Variants in GMPR observed in about 807,000 individuals in gnomAD.
GMPR encodes GMP reductase 1.
A neutral mutation model predicts 38.4 loss-of-function variants in GMPR; 31 were observed. That is an observed-to-expected ratio of 0.81 (90% confidence interval 0.61 to 1.09). GMPR has a LOEUF of 1.09. Among genes scored for constraint, GMPR ranks in the 50% least tolerant of loss-of-function variants. GMPR has a pLI of 0.00. For missense variants in GMPR, 468 were observed against 453.7 expected (o/e 1.03, Z -0.29); for synonymous variants, 162 against 173.3 (o/e 0.93, Z 0.51).
At chr6:16,289,196 C>T (rs941013731) in intron 7 of GMPR, among the ~76,000 whole-genome samples, 7 of 152,166 alleles carry the variant, frequency 4.6e-5, no homozygotes, top group African/African-American at 1.7e-4. Flanking sequence ...GCGCAGACCC[C>T]AACCCCACCA....
At chr6:16,247,768 C>T (rs1005387185) in intron 2 of GMPR, among the ~76,000 whole-genome samples, 2 of 145,302 alleles carry the variant, frequency 1.4e-5, no homozygotes, top group African/African-American at 5.1e-5. Context: ...GTCACTTGCC[C>T]TAGGCCCTCA....
At chr6:16,279,916 G>A (rs575975460) in intron 6 of GMPR, among the ~76,000 whole-genome samples, 9 of 152,324 alleles carry the variant, frequency 5.9e-5, no homozygotes, top group South Asian at 4.1e-4. Context: ...CAGCTGGGAC[G>A]CGTTAGTAAT....
At chr6:16,247,956 A>G (rs976004671) in intron 2 of GMPR, among the ~76,000 whole-genome samples, 1 of 152,140 alleles carries the variant, frequency 6.6e-6, no homozygotes, top group African/African-American at 2.4e-5. Context: ...TTGGCTGGGC[A>G]TAGTGGCTCA....
chr6:16,241,130 T>C (rs1758640635), intron 1 of GMPR, among the ~76,000 whole-genome samples: 1 of 152,146 alleles, frequency 6.6e-6, no homozygotes. Context: ...GCAGAAGTAA[T>C]ATCTGGAGGC....
intron 2 of GMPR, among the ~76,000 whole-genome samples, chr6:16,247,215 G>A (rs1322950179): frequency 6.6e-6 from 1 of 152,134 alleles, no homozygotes. Context: ...ACAAAAAGAA[G>A]CTAGACAACA....
intron 5 of GMPR, among the ~76,000 whole-genome samples, chr6:16,276,953 G>C (rs925240156): frequency 3.3e-5 from 5 of 152,170 alleles, no homozygotes; most frequent in African/African-American, 1.2e-4. Flanking sequence ...CTGTTTCCAA[G>C]AAAGGCAATT....
rs1189246567 is a variant in GMPR, at chr6:16,293,795, T to C, written c.858-1211T>C. 3.3e-5 allele frequency among the ~76,000 whole-genome samples: 5 copies of C among 152,200 alleles called. No homozygotes were observed. The South Asian group carries it at 6.2e-4, about 19-fold the overall frequency. On this transcript the variant is annotated intron_variant, in intron 8 of 8. Transcript: ENST00000259727. ...TCTGGGTGACAAAGGCAAAACTCCA[T>C]CTCAAAAAAAGATGCTCTTTTTCCA...
intron 6 of GMPR, among the ~76,000 whole-genome samples, chr6:16,284,532 G>C (rs111548122): frequency 4.5e-4 from 68 of 152,236 alleles, no homozygotes; most frequent in African/African-American, 1.6e-3. Context: ...CTTAGCTTTG[G>C]GCTGTGTCAC....
chr6:16,260,884 C>T (rs568183610), intron 4 of GMPR, among the ~76,000 whole-genome samples: 12 of 151,916 alleles, frequency 7.9e-5, no homozygotes, highest in East Asian at 5.8e-4. Context: ...GATTGAAGTC[C>T]GGGCCAGGAA....
intron 4 of GMPR, among the ~76,000 whole-genome samples, chr6:16,265,003 A>G (rs772966928): frequency 2.0e-5 from 3 of 152,202 alleles, no homozygotes; most frequent in Non-Finnish European, 2.9e-5. Context: ...TGAAGAGTAT[A>G]CCAAGTCCTG....
intron 8 of GMPR, among the ~76,000 whole-genome samples, chr6:16,293,433 T>TG (rs1759876341): frequency 2.0e-5 from 3 of 152,168 alleles, no homozygotes; most frequent in Non-Finnish European, 4.4e-5. Flanking sequence ...TTCCTGAGCT[T>TG]GGGGCTCTAA....
chr6:16,270,633 G>A (rs990018876), intron 4 of GMPR, among the ~76,000 whole-genome samples: 1 of 151,958 alleles, frequency 6.6e-6, no homozygotes, highest in South Asian at 2.1e-4. Flanking sequence ...CCCTTATTTT[G>A]CCCTTCTTGA....
chr6:16,275,778 C>T (rs926405759), intron 5 of GMPR, among the ~76,000 whole-genome samples: 1 of 152,300 alleles, frequency 6.6e-6, no homozygotes, highest in East Asian at 1.9e-4. Context: ...GAAATATGGG[C>T]CTGATGTGGT....
rs1395530998 is a variant in GMPR, at chr6:16,290,612, C to T, written c.848C>T (p.Ala283Val). ...ATGAACAAGCACGCAGGAGGAGTTG[C>T]TGAGTACAGGTGAGGAGGTGACCCC... ...TAMNKHAGGV[A>V]EYRASEGKTV... Residue 283 changes from alanine (A) to valine (V), a missense_variant, in exon 8 of 9, where the codon GCT becomes GTT. Ala to Val is a moderately conservative substitution (Grantham distance 64). Transcript: ENST00000259727. 4 of 1,614,082 alleles carry T rather than the reference C, an allele frequency of 2.5e-6. No homozygotes were observed. The highest frequency in any genetic ancestry group is 1.1e-5 in the South Asian group (1 of 91,078).
At chr6:16,280,756 T>C (rs1023651562) in intron 6 of GMPR, among the ~76,000 whole-genome samples, 1 of 152,150 alleles carries the variant, frequency 6.6e-6, no homozygotes, top group African/African-American at 2.4e-5. Context: ...CAGAGGTTAG[T>C]CCCCAAAATC....
chr6:16,251,222 A>G (rs1758868522), intron 3 of GMPR, among the ~76,000 whole-genome samples: 1 of 152,254 alleles, frequency 6.6e-6, no homozygotes, highest in South Asian at 2.1e-4. Context: ...GAAGGAGTCA[A>G]GGTCTGATAC....
chr6:16,270,048 T>C (rs372978065), intron 4 of GMPR, among the ~76,000 whole-genome samples: 12 of 152,346 alleles, frequency 7.9e-5, no homozygotes, highest in African/African-American at 2.6e-4. Flanking sequence ...CACCTGCTAA[T>C]ATCACCACCT....
chr6:16,264,365 T>C, intron 4 of GMPR: 2 of 253,232 alleles, frequency 7.9e-6, no homozygotes, highest in South Asian at 4.1e-5. Context: ...GTGAGATGTT[T>C]CTTGGGCTGG....
At chr6:16,284,801 C>A (rs1005272227) in intron 6 of GMPR, among the ~76,000 whole-genome samples, 1 of 152,042 alleles carries the variant, frequency 6.6e-6, no homozygotes, top group African/African-American at 2.4e-5. Flanking sequence ...GGGCGGATCA[C>A]CTGAGGTCAG....
Sources: allele counts gnomAD v4.1 joint callset (sites outside exome capture counted in the v4.1 genomes callset), GRCh38; gene constraint gnomAD v4.1.1; transcripts MANE v1.5; gene names NCBI Gene and HGNC (gene_info 2026-07-23, HGNC 2026-07-21).